The following CDCA7 variants were observed in gnomAD, a reference collection of about 807,000 sequenced individuals.
CDCA7 encodes cell division cycle associated 7.
CDCA7 carries 28 observed loss-of-function variants against 54.0 expected under a neutral mutation model. The ratio of observed to expected loss-of-function variants is 0.52; its 90% CI spans 0.38 to 0.71. The LOEUF is 0.71. Ranked by LOEUF, CDCA7 falls within the 30% of genes least tolerant of loss-of-function variation. CDCA7 has a pLI of 0.00. For synonymous variants in CDCA7, 180 were observed against 208.2 expected, an observed-to-expected ratio of 0.86 and a Z score of 1.16; for missense variants, 484 against 586.0, an observed-to-expected ratio of 0.83 and a Z score of 1.80.
At chr2:173,363,665 A>G (rs1279854652) in intron 4 of CDCA7, among the ~76,000 whole-genome samples, 153 bp from the exon 5 acceptor site, 3 of 152,190 alleles carry the variant, frequency 2.0e-5, no homozygotes, top group African/African-American at 7.2e-5. Context: ...AGGCCTGGTT[A>G]AGTGTATAGG....
intron 3 of CDCA7, among the ~76,000 whole-genome samples, chr2:173,361,633 G>C (rs2106389869): frequency 6.6e-6 from 1 of 151,784 alleles, no homozygotes; most frequent in South Asian, 2.1e-4. Flanking sequence ...TATATTTTTA[G>C]TAGAGACGGG....
Position 173,367,249 on chromosome 2 carries a change from T to C in CDCA7, c.1285T>C (p.Tyr429His). 1 of 1,614,078 alleles carries C rather than the reference T, an allele frequency of 6.2e-7. No homozygotes were observed. Among genetic ancestry groups the C allele is most frequent in the Non-Finnish European group, 8.5e-7 (1 of 1,179,988 alleles). The change falls in exon 9 of 10, where the codon TAT (tyrosine) becomes CAT (histidine). Residue 429 changes from tyrosine (Y) to histidine (H), a missense_variant. Tyr to His is a moderately conservative substitution (Grantham distance 83). Transcript: ENST00000306721. The part of the protein sequence containing the change: ...ATGVLVYLAK[Y>H]HGFGNVHAYL... The stretch of plus-strand genomic sequence containing the variant: ...TGGGGTCCTTGTGTATTTAGCCAAA[T>C]ATCATGGCTTTGGGAATGTGCATGC...
rs1193656026 is a variant in CDCA7 at position 173,366,025 on chromosome 2, A to G, written c.1036-258A>G. ...TTTTTAGTGGAGATGGGGTTTTGCC[A>G]TATTGCCCAGGCTGGTCTTGAACTC... is the stretch of plus-strand genomic sequence containing the variant. On this transcript the variant is annotated intron_variant, in intron 7 of 9. Coordinates refer to ENST00000306721, the MANE Select transcript of CDCA7 (RefSeq NM_031942.5). The surrounding 1 kb of genome is among the most constrained non-coding windows in gnomAD (Gnocchi z 4.5). 6.6e-6 allele frequency among the ~76,000 whole-genome samples: 1 copy of G among 152,080 alleles called. No individual in the cohort carries two copies. The highest frequency in any genetic ancestry group is 6.6e-5 in the Admixed American group (1 of 15,258).
chr2:173,359,559 AT>A (rs1314467032), intron 3 of CDCA7, 68 bp downstream of exon 3: 27 of 1,401,806 alleles, frequency 1.9e-5, no homozygotes, highest in Non-Finnish European at 2.5e-5. Flanking sequence ...ATTTTTAGAA[AT>A]TTTTTTCTTG....
At chr2:173,367,466 T>C (rs1686745421) in intron 9 of CDCA7, among the ~76,000 whole-genome samples, 168 bp from the exon 10 acceptor site, 1 of 152,066 alleles carries the variant, frequency 6.6e-6, no homozygotes, top group African/African-American at 2.4e-5. Flanking sequence ...GTAACCCGGG[T>C]GGGTGGGTGT....
chr2:173,362,318 G>T (rs2106390227), intron 3 of CDCA7, among the ~76,000 whole-genome samples: 1 of 152,250 alleles, frequency 6.6e-6, no homozygotes, highest in East Asian at 1.9e-4. Context: ...GAGGGAATGA[G>T]GAATTACTGT....
Position 173,354,916 on chromosome 2 carries a change from G to T in CDCA7, c.-48G>T. The T allele has an allele frequency of 6.8e-7, 1 of 1,476,702 alleles. No individual in the cohort carries two copies. Among genetic ancestry groups the T allele is most frequent in the Non-Finnish European group, 8.9e-7 (1 of 1,120,712 alleles). The allele number at this position is 1,476,702 out of a possible 1,614,324, so 91.5% of individuals were successfully genotyped here. ...CTGTGGGACCGCTGACCGCGCGGCT[G>T]CTCCGCTCTCCCCGCTCCAAGCGCC... On this transcript the variant is annotated 5_prime_UTR_variant, in exon 1 of 10. Transcript: ENST00000306721.
intron 1 of CDCA7, among the ~76,000 whole-genome samples, chr2:173,355,575 C>T (rs576362813): frequency 6.5e-4 from 99 of 152,338 alleles, no homozygotes; most frequent in Middle Eastern, 6.8e-3. Context: ...CGACCGTAGT[C>T]CCGGGCGGTG....
At chr2:173,364,138 C>CTAGA (rs1686673842) in intron 5 of CDCA7, 1 of 385,536 alleles carries the variant, frequency 2.6e-6, no homozygotes, top group Non-Finnish European at 4.6e-6. Flanking sequence ...TCCTTCCCAG[C>CTAGA]TAGACTAAGC....
chr2:173,368,035 A>G lies in CDCA7; in HGVS notation c.*371A>G. ...AAACCTAAGCACTTGGAAACACAATAATAGTATTAACTAACTAGATCTATT... is the reference window on the plus strand; with the variant it reads ...AAACCTAAGCACTTGGAAACACAATGATAGTATTAACTAACTAGATCTATT... On this transcript the variant is annotated 3_prime_UTR_variant, in exon 10 of 10. Coordinates refer to ENST00000306721, the MANE Select transcript of CDCA7 (RefSeq NM_031942.5). The G allele has an allele frequency of 3.9e-6, 1 of 253,904 alleles. No individual in the cohort carries two copies. The highest frequency in any genetic ancestry group is 7.6e-6 in the Non-Finnish European group (1 of 131,248). 15.7% of individuals were successfully genotyped at this position (253,904 alleles called of 1,614,324 possible).
chr2:173,363,811 T>C lies in CDCA7; in HGVS notation c.622-7T>C. 1 of 1,613,518 alleles carries C rather than the reference T, an allele frequency of 6.2e-7. No individual in the cohort carries two copies. Among genetic ancestry groups the C allele is most frequent in the East Asian group, 2.2e-5 (1 of 44,878 alleles). ...AATGATATCAGTTTAATTTCCTCCC[T>C]TTTTAGCTTGCAAAACTCATGTCTG... On this transcript the variant is annotated splice_region_variant and splice_polypyrimidine_tract_variant and intron_variant, in intron 4 of 9. Transcript: ENST00000306721.
At chr2:173,356,485 G>A (rs1034390938) in intron 1 of CDCA7, among the ~76,000 whole-genome samples, 1 of 152,124 alleles carries the variant, frequency 6.6e-6, no homozygotes, top group Non-Finnish European at 1.5e-5. Flanking sequence ...CCTTCCTGGG[G>A]CCTTGAATAT....
intron 3 of CDCA7, among the ~76,000 whole-genome samples, chr2:173,360,297 C>T (rs1321966572): frequency 6.6e-6 from 1 of 152,198 alleles, no homozygotes; most frequent in East Asian, 1.9e-4. Context: ...GTCTGCAGAT[C>T]TGGATGCGAC....
chr2:173,361,374 T>C (rs1475340533), intron 3 of CDCA7, among the ~76,000 whole-genome samples: 1 of 152,194 alleles, frequency 6.6e-6, no homozygotes, highest in Non-Finnish European at 1.5e-5. Context: ...GCTACACCAG[T>C]TTACATTCCT....
At position 173,363,217 on chromosome 2, in the gene CDCA7, T is replaced by C; in HGVS notation, c.385-9T>C. ...GATCAAGTCCTAATGACTCAATTGTTGTGATTAGAGGCTGCAGTCAGTTCG... is the reference window on the plus strand; with the variant it reads ...GATCAAGTCCTAATGACTCAATTGTCGTGATTAGAGGCTGCAGTCAGTTCG... On this transcript the variant is annotated splice_polypyrimidine_tract_variant and intron_variant, in intron 3 of 9. Coordinates refer to ENST00000306721, the MANE Select transcript of CDCA7 (RefSeq NM_031942.5). 2 of 1,613,570 alleles carry C rather than the reference T, an allele frequency of 1.2e-6. No individual in the cohort carries two copies. The highest frequency in any genetic ancestry group is 1.7e-6 in the Non-Finnish European group (2 of 1,179,578).
At chr2:173,355,199 G>A (rs1686472229) in intron 1 of CDCA7, among the ~76,000 whole-genome samples, 1 of 152,284 alleles carries the variant, frequency 6.6e-6, no homozygotes, top group African/African-American at 2.4e-5. Context: ...CGAAGTGCGG[G>A]CGGCGTGGAG....
At chr2:173,365,067 C>T (rs772146602) in intron 6 of CDCA7, 78 bp downstream of exon 6, 44 of 1,465,856 alleles carry the variant, frequency 3.0e-5, no homozygotes, top group Middle Eastern at 1.8e-4. Context: ...CACAGGTACA[C>T]GCACATCCTT....
At chr2:173,355,235 GC>G (rs943150608) in intron 1 of CDCA7, among the ~76,000 whole-genome samples, 1 of 152,352 alleles carries the variant, frequency 6.6e-6, no homozygotes, top group Non-Finnish European at 1.5e-5. Flanking sequence ...AGGATGGCTA[GC>G]AGCGCTGGAA....
At chr2:173,364,450 A>G (rs15618) in intron 5 of CDCA7, 151,926 of 181,526 alleles carry the variant, frequency 0.84, 63,787 homozygotes, top group East Asian at 0.97. Context: ...ATATCCCTCT[A>G]TTTTGCAGTG....
Sources: allele counts gnomAD v4.1 joint callset (sites outside exome capture counted in the v4.1 genomes callset), GRCh38; gene constraint gnomAD v4.1.1; non-coding constraint Gnocchi (gnomAD v3.1); transcripts MANE v1.5; gene names NCBI Gene and HGNC (gene_info 2026-07-23, HGNC 2026-07-21).